MRAP2: variants seen among roughly 807,000 people sequenced by gnomAD.
MRAP2 encodes the protein melanocortin 2 receptor accessory protein 2, also known as melanocortin-2 receptor accessory protein 2.
MRAP2 carries 20 observed loss-of-function variants against 17.4 expected under a neutral mutation model. The ratio of observed to expected loss-of-function variants is 1.15; its 90% CI spans 0.81 to 1.67. The LOEUF (loss-of-function observed/expected upper bound fraction) is 1.67. MRAP2 is among the 40% of genes most tolerant of loss of function. The pLI, the probability that MRAP2 is intolerant of heterozygous loss-of-function variation, is 0.00. For synonymous variants in MRAP2, 96 were observed against 88.4 expected (o/e 1.09, Z -0.48); for missense variants, 238 against 240.0 (o/e 0.99, Z 0.05).
chr6:84,082,890 C>T (rs1332010985), intron 3 of MRAP2, among the ~76,000 whole-genome samples: 1 of 152,060 alleles, frequency 6.6e-6, no homozygotes, highest in African/African-American at 2.4e-5. Flanking sequence ...CTTATCAGTA[C>T]GAGCTCACAT....
intron 1 of MRAP2, among the ~76,000 whole-genome samples, chr6:84,045,988 G>A (rs568027991): frequency 2.0e-5 from 3 of 152,266 alleles, no homozygotes; most frequent in South Asian, 4.1e-4. Flanking sequence ...TGTAAAGGGG[G>A]TGAGTATTTC....
At chr6:84,035,132 C>G (rs1206256715) in intron 1 of MRAP2, among the ~76,000 whole-genome samples, 1 of 152,172 alleles carries the variant, frequency 6.6e-6, no homozygotes, top group African/African-American at 2.4e-5. Context: ...CTGTATCTTT[C>G]TTTTCAAAGT....
intron 2 of MRAP2, chr6:84,062,392 G>T (rs2099493386): frequency 2.8e-6 from 1 of 354,574 alleles, no homozygotes; most frequent in Admixed American, 6.5e-5. Flanking sequence ...AACCAACCAT[G>T]AGGCAGCCCA....
chr6:84,115,012 C>A, the MRAP2 span, among the ~76,000 whole-genome samples: 1 of 152,186 alleles, frequency 6.6e-6, no homozygotes, highest in African/African-American at 2.4e-5. Context: ...TGTCTGTTGA[C>A]CCCTGCTGGG....
the MRAP2 span, among the ~76,000 whole-genome samples, chr6:84,111,603 C>G: frequency 6.6e-6 from 1 of 152,300 alleles, no homozygotes; most frequent in Middle Eastern, 3.4e-3. Context: ...ATTTCTTTCT[C>G]TTGCCTAATT....
chr6:84,098,509 T>C, the MRAP2 span, among the ~76,000 whole-genome samples: 1,632 of 152,280 alleles, frequency 0.011, 9 homozygotes, highest in Non-Finnish European at 0.016. Context: ...CTGGGTCATA[T>C]GGTAGGTAGG....
chr6:84,113,167 A>G, the MRAP2 span, among the ~76,000 whole-genome samples: 1 of 152,132 alleles, frequency 6.6e-6, no homozygotes, highest in African/African-American at 2.4e-5. Context: ...TTTCTGTCTC[A>G]TTGATCTGTC....
chr6:84,109,400 C>T, the MRAP2 span, among the ~76,000 whole-genome samples: 2 of 151,704 alleles, frequency 1.3e-5, no homozygotes, highest in East Asian at 1.9e-4. Context: ...CCCTTGTTAG[C>T]TATTCCTAGG....
At chr6:84,073,295 T>A (rs2099496702) in intron 3 of MRAP2, among the ~76,000 whole-genome samples, 4 of 152,196 alleles carry the variant, frequency 2.6e-5, no homozygotes, top group Admixed American at 2.6e-4. Flanking sequence ...CACTCGGCTC[T>A]CTAAATTGAC....
chr6:84,094,414 A>T (rs2099502314), downstream of MRAP2, among the ~76,000 whole-genome samples: 1 of 151,956 alleles, frequency 6.6e-6, no homozygotes, highest in Admixed American at 6.5e-5. Flanking sequence ...TTCCTCTTGC[A>T]TTTTACTATC....
At chr6:84,110,718 G>T in the MRAP2 span, among the ~76,000 whole-genome samples, 1 of 152,276 alleles carries the variant, frequency 6.6e-6, no homozygotes, top group African/African-American at 2.4e-5. Context: ...TTCTCCTAGT[G>T]CTTTTATGGT....
intron 1 of MRAP2, among the ~76,000 whole-genome samples, chr6:84,042,654 C>A (rs943479987): frequency 3.3e-5 from 5 of 152,182 alleles, no homozygotes; most frequent in Admixed American, 3.3e-4. Flanking sequence ...AGGCCCCTCC[C>A]TGAAAGATGA....
At chr6:84,070,669 C>T (rs1035999425) in intron 3 of MRAP2, among the ~76,000 whole-genome samples, 1 of 152,168 alleles carries the variant, frequency 6.6e-6, no homozygotes, top group Non-Finnish European at 1.5e-5. Context: ...GTCTGATGAG[C>T]TGCCTAGTGC....
Position 84,071,282 on chromosome 6 carries a change from C to T in MRAP2, c.227+8290C>T, listed in dbSNP as rs182460999. 3.6e-3 allele frequency among the ~76,000 whole-genome samples: 546 copies of T among 152,230 alleles called. 4 individuals are homozygous for T. The highest frequency in any genetic ancestry group is 0.018 in the South Asian group (85 of 4,824). On this transcript the variant is annotated intron_variant, in intron 3 of 3. Coordinates refer to ENST00000257776, the MANE Select transcript of MRAP2 (RefSeq NM_138409.4). The stretch of plus-strand genomic sequence containing the variant: ...TCTTGTAGTGGTGGCTTGGTTGTGG[C>T]GAATTCTCTCAGCATTTGTTTGTCT...
At chr6:84,107,370 A>C in the MRAP2 span, among the ~76,000 whole-genome samples, 1 of 152,090 alleles carries the variant, frequency 6.6e-6, no homozygotes, top group South Asian at 2.1e-4. Flanking sequence ...TCCCCAAAAC[A>C]CTGGACCCCT....
intron 2 of MRAP2, among the ~76,000 whole-genome samples, chr6:84,059,329 T>C (rs2099492489): frequency 6.6e-6 from 1 of 152,164 alleles, no homozygotes; most frequent in South Asian, 2.1e-4. Flanking sequence ...AGTAAGATAG[T>C]AGAGACAAGT....
At chr6:84,064,897 C>T (rs2099494240) in intron 3 of MRAP2, among the ~76,000 whole-genome samples, 1 of 152,220 alleles carries the variant, frequency 6.6e-6, no homozygotes, top group Admixed American at 6.5e-5. Flanking sequence ...GTTCACTCTT[C>T]AGCCTGCACT....
chr6:84,122,999 G>GCACACACA, the MRAP2 span, among the ~76,000 whole-genome samples: 1 of 150,634 alleles, frequency 6.6e-6, no homozygotes, highest in Admixed American at 6.6e-5. Context: ...ACACACACAC[G>GCACACACA]CACACACACA....
chr6:84,072,221 C>A (rs1469082828), intron 3 of MRAP2, among the ~76,000 whole-genome samples: 9 of 152,168 alleles, frequency 5.9e-5, no homozygotes, highest in Non-Finnish European at 2.9e-5. Flanking sequence ...GAGGGAAACT[C>A]TAGGGCTGAA....
Sources: allele counts gnomAD v4.1 joint callset (sites outside exome capture counted in the v4.1 genomes callset), GRCh38; gene constraint gnomAD v4.1.1; transcripts MANE v1.5; gene names NCBI Gene and HGNC (gene_info 2026-07-23, HGNC 2026-07-21).